Variants in WRN observed in about 807,000 individuals in gnomAD.
The protein encoded by WRN is bifunctional 3'-5' exonuclease/ATP-dependent helicase WRN.
A neutral mutation model predicts 180.7 loss-of-function variants in WRN; 149 were observed. That is an observed-to-expected ratio of 0.82 (90% CI 0.72 to 0.94). The LOEUF (loss-of-function observed/expected upper bound fraction) is 0.94. WRN is among the 40% of genes least tolerant of loss of function. The pLI is 0.00. For synonymous variants in WRN, 548 were observed against 568.9 expected (o/e 0.96, Z 0.52); for missense variants, 1,661 against 1,700.1 (o/e 0.98, Z 0.40).
At chr8:31,107,588 A>G (rs1391858662) in intron 18 of WRN, among the ~76,000 whole-genome samples, 1 of 152,060 alleles carries the variant, frequency 6.6e-6, no homozygotes, top group Non-Finnish European at 1.5e-5. Context: ...GAGACATGCC[A>G]CCTGGTGGTT....
At chr8:31,157,040 A>T (rs997079460) in intron 32 of WRN, among the ~76,000 whole-genome samples, 2 of 152,224 alleles carry the variant, frequency 1.3e-5, no homozygotes, top group Admixed American at 6.5e-5. Context: ...GAAGGTTGTG[A>T]CAACTATTAG....
chr8:31,154,795 T>G (rs1181059815), intron 32 of WRN, 40 bp downstream of exon 32: 2 of 1,611,216 alleles, frequency 1.2e-6, no homozygotes, highest in East Asian at 4.5e-5. Flanking sequence ...TTTTTTAGTT[T>G]ACTTAAACTT....
chr8:31,082,832 C>T (rs1469531933), intron 9 of WRN, among the ~76,000 whole-genome samples: 4 of 151,992 alleles, frequency 2.6e-5, no homozygotes, highest in African/African-American at 7.2e-5. Context: ...CCTTGGATTT[C>T]GTGATTTGAC....
intron 2 of WRN, 30 bp downstream of exon 2, chr8:31,058,573 T>C (rs375337235): frequency 8.8e-5 from 141 of 1,600,378 alleles, no homozygotes; most frequent in Admixed American, 3.5e-4. Flanking sequence ...TTCTTTTGGG[T>C]GAGAAATTTA....
Position 31,080,867 on chromosome 8 carries a change from G to T in WRN, c.840G>T (p.Arg280Ser), listed in dbSNP as rs1408343355. 10 of 1,592,554 alleles carry T rather than the reference G, an allele frequency of 6.3e-6. No individual in the cohort carries two copies. Among genetic ancestry groups the T allele is most frequent in the Admixed American group, 5.4e-5 (3 of 55,950 alleles). Residue 280 changes from arginine to serine, a missense_variant and splice_region_variant, in exon 9 of 35, where the codon AGG (arginine) becomes AGT (serine). By Grantham distance (110) the Arg-to-Ser change is moderately radical. Coordinates refer to ENST00000298139, the MANE Select transcript of WRN (RefSeq NM_000553.6). ...HAFSKLENPR[R>S]VSILLKDISE... is the part of the protein sequence containing the mutation. ...TAATCTTTCTTAATTTTTTTTTTAG[G>T]GTTTCTATCTTACTAAAGGATATTT...
In WRN at chr8:31,142,629, GA is replaced by G. The variant is rs1563377308; in HGVS notation, c.3241del (p.Thr1081LeufsTer18). On this transcript the variant is annotated frameshift_variant, in exon 27 of 35. Transcript: ENST00000298139. LOFTEE classifies it high-confidence loss of function. ...CPKKLLLPSS[K>X]TVSSGTKEHC... is the part of the protein sequence containing the mutation. ...ATTTAATTTTATTATTTTTTAGTTC[GA>G]AAACTGTATCTTCGGGCACCAAAGA... The G allele has an allele frequency of 1.3e-6, 2 of 1,592,226 alleles. No individual in the cohort carries two copies. The highest frequency in any genetic ancestry group is 1.3e-5 in the African/African-American group (1 of 74,226).
At chr8:31,092,182 C>T (rs544449061) in intron 16 of WRN, among the ~76,000 whole-genome samples, 1 of 151,762 alleles carries the variant, frequency 6.6e-6, no homozygotes, top group Admixed American at 6.6e-5. Context: ...CTGTTATTCT[C>T]GGTTCTTGGG....
intron 1 of WRN, among the ~76,000 whole-genome samples, chr8:31,041,591 G>A (rs920161353): frequency 4.6e-5 from 7 of 152,222 alleles, no homozygotes; most frequent in Admixed American, 4.6e-4. Flanking sequence ...CAGGGTAAGA[G>A]CCTGTGGAAA....
intron 3 of WRN, among the ~76,000 whole-genome samples, chr8:31,061,609 T>TG (rs1165152781): frequency 6.6e-6 from 1 of 152,124 alleles, no homozygotes; most frequent in Non-Finnish European, 1.5e-5. Context: ...AAAGGAACTT[T>TG]GTCAGACATC....
chr8:31,045,847 A>G (rs1009140103), intron 1 of WRN, among the ~76,000 whole-genome samples: 4 of 152,156 alleles, frequency 2.6e-5, no homozygotes, highest in Non-Finnish European at 5.9e-5. Context: ...ACGTGGTTCA[A>G]TGAAAAATTC....
rs774145211 is a variant in WRN at position 31,108,694 on chromosome 8, G to T, written c.2089-2921G>T. Among the ~76,000 whole-genome samples the T allele has an allele frequency of 1.5e-4, 23 of 152,244 alleles. 1 individual carries two copies. Among genetic ancestry groups the T allele is most frequent in the Non-Finnish European group, 2.5e-4 (17 of 68,006 alleles). On this transcript the variant is annotated intron_variant, in intron 18 of 34. Coordinates refer to ENST00000298139, the MANE Select transcript of WRN (RefSeq NM_000553.6). ...GTACATTTTGCAAAGCCACAGGTTT[G>T]CAGTGTTACACAAGGGCCAAAGGAG...
intron 1 of WRN, among the ~76,000 whole-genome samples, chr8:31,044,342 C>CTTTTTTTTTTTTTTTTT (rs34518426): frequency 2.9e-5 from 2 of 68,338 alleles, no homozygotes; most frequent in Admixed American, 2.6e-4. Context: ...GCCCGACCTT[C>CTTTTTTTTTTTTTTTTT]TTTTTTTTTT....
chr8:31,152,971 G>C (rs1486669441), intron 31 of WRN, among the ~76,000 whole-genome samples: 1 of 151,594 alleles, frequency 6.6e-6, no homozygotes, highest in African/African-American at 2.4e-5. Context: ...TGAGCCCGGG[G>C]ATTTGAGGCT....
intron 20 of WRN, among the ~76,000 whole-genome samples, 193 bp downstream of exon 20, chr8:31,116,721 G>A (rs1034586017): frequency 6.6e-6 from 1 of 152,230 alleles, no homozygotes; most frequent in African/African-American, 2.4e-5. Context: ...GGTGCACAGA[G>A]GAGGGAGGAA....
At chr8:31,074,890 CAA>C (rs2130088325) in intron 7 of WRN, among the ~76,000 whole-genome samples, 1 of 152,124 alleles carries the variant, frequency 6.6e-6, no homozygotes, top group Non-Finnish European at 1.5e-5. Context: ...CTGCAAGTGT[CAA>C]AGTATTGTTG....
At chr8:31,093,920 T>G (rs1261793551) in intron 16 of WRN, among the ~76,000 whole-genome samples, 1 of 152,234 alleles carries the variant, frequency 6.6e-6, no homozygotes, top group Non-Finnish European at 1.5e-5. Context: ...ATTCATGTTA[T>G]TACAGTGATT....
intron 8 of WRN, among the ~76,000 whole-genome samples, chr8:31,077,238 A>C (rs1813128223): frequency 6.6e-6 from 1 of 152,020 alleles, no homozygotes; most frequent in African/African-American, 2.4e-5. Flanking sequence ...CAATTTCTGA[A>C]AGATGTAACT....
intron 11 of WRN, 25 bp downstream of exon 11, chr8:31,085,271 T>A (rs1426152029): frequency 6.2e-7 from 1 of 1,611,240 alleles, no homozygotes; most frequent in Non-Finnish European, 8.5e-7. Context: ...ATAAAAACAT[T>A]ACTTCAAGTT....
At chr8:31,077,799 G>T (rs2083527063) in intron 8 of WRN, among the ~76,000 whole-genome samples, 1 of 152,216 alleles carries the variant, frequency 6.6e-6, no homozygotes, top group Non-Finnish European at 1.5e-5. Context: ...TGGGAAGCAA[G>T]AATTAAATTT....
Sources: gnomAD v4.1 joint callset for allele counts (sites outside exome capture counted in the v4.1 genomes callset) on GRCh38, gnomAD v4.1.1 for gene constraint, MANE v1.5 for transcripts, NCBI Gene and HGNC (gene_info 2026-07-23, HGNC 2026-07-21) for gene names.